Variants in ITPRID2 observed in about 807,000 individuals in gnomAD.
ITPRID2 encodes protein ITPRID2.
In ITPRID2, 60 loss-of-function variants were observed where a neutral mutation model predicts 124.3. The ratio of observed to expected loss-of-function variants is 0.48; its 90% CI spans 0.39 to 0.60. The LOEUF is 0.60. Among genes scored for constraint, ITPRID2 ranks in the 20% least tolerant of loss-of-function variants. The probability of loss-of-function intolerance (pLI) is 0.00; values close to 1 mark genes in which losing one functional copy is unlikely to be tolerated. For missense variants in ITPRID2, 1,553 were observed against 1,512.2 expected (o/e 1.03, Z -0.45); for synonymous variants, 521 against 542.9 (o/e 0.96, Z 0.56).
intron 16 of ITPRID2, among the ~76,000 whole-genome samples, chr2:181,927,924 T>A (rs1422772179): frequency 6.6e-6 from 1 of 152,232 alleles, no homozygotes; most frequent in African/African-American, 2.4e-5. Context: ...GTCCTCACCT[T>A]ATGAATTGTG....
rs1170585530 is a variant in ITPRID2, at chr2:181,892,075, G to A, written c.9G>A (p.Arg3=). The A allele has an allele frequency of 1.3e-6, 2 of 1,551,812 alleles. No individual in the cohort carries two copies. The highest frequency in any genetic ancestry group is 2.4e-5 in the South Asian group (2 of 84,246). MD[R]PLSSSAEAEE... ...GAGCCCCCAGTGCGGCCATGGACCGGCCCCTGTCGTCGTCGGCGGAGGCGG... is the reference window on the plus strand; with the variant it reads ...GAGCCCCCAGTGCGGCCATGGACCGACCCCTGTCGTCGTCGGCGGAGGCGG... Residue 3 remains arginine, a synonymous_variant, in exon 1 of 18, where the codon CGG becomes CGA. Coordinates refer to ENST00000431877, the MANE Select transcript of ITPRID2 (RefSeq NM_001130445.3). The surrounding 1 kb of genome is among the most constrained non-coding windows in gnomAD (Gnocchi z 5.2).
rs1350203724 is a variant in ITPRID2, at chr2:181,916,156, T to C, written c.2516T>C (p.Met839Thr). 1.9e-6 allele frequency: 3 copies of C among 1,614,224 alleles called. No individual in the cohort carries two copies. The highest frequency in any genetic ancestry group is 1.6e-4 in the Middle Eastern group (1 of 6,062). The change falls in exon 11 of 18, where the codon ATG (methionine) becomes ACG (threonine). Residue 839 changes from methionine to threonine, a missense_variant. Transcript: ENST00000431877. ...PTCSRLAPPP[M>T]SQSTCSLHSI... is the part of the protein sequence containing the mutation. Reference sequence around the variant, plus strand: ...TGTTCACGGCTTGCTCCACCACCAATGTCTCAGTCTACCTGTTCCCTTCAT... The same window carrying C: ...TGTTCACGGCTTGCTCCACCACCAACGTCTCAGTCTACCTGTTCCCTTCAT...
At chr2:181,904,056 A>G (rs887072356) in intron 8 of ITPRID2, among the ~76,000 whole-genome samples, 2 of 152,228 alleles carry the variant, frequency 1.3e-5, no homozygotes, top group African/African-American at 4.8e-5. Flanking sequence ...GTCACTCTTC[A>G]AAGAAGTCAA....
chr2:181,928,836 C>G (rs920188858), intron 17 of ITPRID2, among the ~76,000 whole-genome samples: 1 of 151,968 alleles, frequency 6.6e-6, no homozygotes, highest in Admixed American at 6.6e-5. Context: ...CCGTTTTAGC[C>G]GGGATGGTCT....
rs1004264543 is a variant in ITPRID2, at chr2:181,892,520, C to G, written c.212-95C>G. 9 of 1,480,670 alleles carry G rather than the reference C, an allele frequency of 6.1e-6. No homozygotes were observed. In the African/African-American group the frequency reaches 1.2e-4, roughly 21 times the overall value. The allele number at this position is 1,480,670 out of a possible 1,614,324, so 91.7% of individuals were successfully genotyped here. The stretch of plus-strand genomic sequence containing the variant: ...AGACGTGTCGCTTAGGCTGCATTTG[C>G]CGTGGTAGATTTTCCTACTTGGGAG... On this transcript the variant is annotated intron_variant, in intron 1 of 17. Transcript: ENST00000431877. This position sits in a 1 kb window ranked among gnomAD's most constrained non-coding sequence, Gnocchi z 5.2.
At chr2:181,895,957 G>A in intron 2 of ITPRID2, 73 bp from the exon 3 acceptor site, 1 of 1,273,136 alleles carries the variant, frequency 7.9e-7, no homozygotes, top group Non-Finnish European at 1.1e-6. Context: ...AACTCTTTAA[G>A]TAAGGCTGTG....
At chr2:181,921,826 A>G (rs1694500331) in intron 15 of ITPRID2, 122 bp from the exon 16 acceptor site, 1 of 853,840 alleles carries the variant, frequency 1.2e-6, no homozygotes, top group Non-Finnish European at 1.8e-6. Context: ...AAATTAATGG[A>G]ATAGATTTAT....
chr2:181,898,210 C>G (rs1692370394), intron 4 of ITPRID2, among the ~76,000 whole-genome samples: 1 of 151,922 alleles, frequency 6.6e-6, no homozygotes, highest in South Asian at 2.1e-4. Context: ...CTTTGTAGAT[C>G]AGAAATGAAA....
rs75682049 is a variant in ITPRID2, at chr2:181,899,918, A to G, written c.504-778A>G. On this transcript the variant is annotated intron_variant, in intron 6 of 17. Transcript: ENST00000431877. ...ATACATCAGTGCATGTGCCTATGGA[A>G]TCCAGTTTAAACTGTTATCCAAATT... Among the ~76,000 whole-genome samples, 14 of 152,356 alleles carry G rather than the reference A, an allele frequency of 9.2e-5. No individual in the cohort carries two copies. In the East Asian group the frequency reaches 2.5e-3, roughly 27 times the overall value.
chr2:181,900,933 T>G, intron 7 of ITPRID2, 29 bp downstream of exon 7: 1 of 1,529,126 alleles, frequency 6.5e-7, no homozygotes, highest in Admixed American at 2.0e-5. Context: ...AGGCATATTA[T>G]TTTCTTAAAT....
rs890259748 is a variant in ITPRID2 at position 181,907,191 on chromosome 2, T to G, written c.1414-2708T>G. Among the ~76,000 whole-genome samples the G allele has an allele frequency of 6.6e-6, 1 of 152,168 alleles. No individual in the cohort carries two copies. Among genetic ancestry groups the G allele is most frequent in the Non-Finnish European group, 1.5e-5 (1 of 68,028 alleles). ...ATTGTGCCTAGAAGATCCCTCTTAGTCAAGGTAAACATGACAGCTGTTAAG... is the reference window on the plus strand; with the variant it reads ...ATTGTGCCTAGAAGATCCCTCTTAGGCAAGGTAAACATGACAGCTGTTAAG... On this transcript the variant is annotated intron_variant, in intron 8 of 17. Coordinates refer to ENST00000431877, the MANE Select transcript of ITPRID2 (RefSeq NM_001130445.3). The surrounding 1 kb of genome is among the most constrained non-coding windows in gnomAD (Gnocchi z 5.1).
At chr2:181,908,917 G>A (rs1158215753) in intron 8 of ITPRID2, among the ~76,000 whole-genome samples, 2 of 151,838 alleles carry the variant, frequency 1.3e-5, no homozygotes, top group Non-Finnish European at 2.9e-5. Context: ...TTACTAGGAT[G>A]TTCTTTATGA....
intron 15 of ITPRID2, 88 bp from the exon 16 acceptor site, chr2:181,921,860 A>T: frequency 9.0e-7 from 1 of 1,105,304 alleles, no homozygotes; most frequent in Non-Finnish European, 1.3e-6. Context: ...ACATGATTTT[A>T]GGCAATAATG....
chr2:181,899,982 G>A lies in ITPRID2; in HGVS notation c.504-714G>A, dbSNP rs559895240. Among the ~76,000 whole-genome samples the A allele has an allele frequency of 5.9e-5, 9 of 152,308 alleles. No individual in the cohort carries two copies. In the South Asian group the frequency reaches 1.9e-3, roughly 32 times the overall value. Reference sequence around the variant, plus strand: ...CTGAGCATTTTGTCTGAAACAAATTGAAATGTCTCTCTGTTGAAGTTCCAT... The same window carrying A: ...CTGAGCATTTTGTCTGAAACAAATTAAAATGTCTCTCTGTTGAAGTTCCAT... On this transcript the variant is annotated intron_variant, in intron 6 of 17. Transcript: ENST00000431877.
rs1263409676 is a variant in ITPRID2, at chr2:181,913,904, A to G, written c.1546A>G (p.Thr516Ala). 1.2e-6 allele frequency: 2 copies of G among 1,613,334 alleles called. No homozygotes were observed. Among genetic ancestry groups the G allele is most frequent in the East Asian group, 4.5e-5 (2 of 44,786 alleles). The change falls in exon 10 of 18, where the codon ACA becomes GCA. Residue 516 changes from threonine to alanine, a missense_variant. Coordinates refer to ENST00000431877, the MANE Select transcript of ITPRID2 (RefSeq NM_001130445.3). ...SDSSGFAEDS[T>A]DCLSLNHLQV... Reference sequence around the variant, plus strand: ...TAGCAGTGGTTTTGCTGAAGATTCTACAGACTGCCTATCCCTTAATCATCT... The same window carrying G: ...TAGCAGTGGTTTTGCTGAAGATTCTGCAGACTGCCTATCCCTTAATCATCT...
intron 4 of ITPRID2, among the ~76,000 whole-genome samples, 158 bp downstream of exon 4, chr2:181,897,122 A>G (rs181484777): frequency 1.3e-5 from 2 of 152,128 alleles, no homozygotes; most frequent in Admixed American, 1.3e-4. Flanking sequence ...TTAATAATCT[A>G]GTCATAGTCT....
In ITPRID2 at chr2:181,913,953, T is replaced by G. The variant is rs780235345; in HGVS notation, c.1575+20T>G. On this transcript the variant is annotated intron_variant, in intron 10 of 17. Coordinates refer to ENST00000431877, the MANE Select transcript of ITPRID2 (RefSeq NM_001130445.3). ...CTTCAGGTAAAATTTTCTGTTCTAA[T>G]AGGCACTATGATTAACTTCCTCATT... The G allele has an allele frequency of 1.6e-5, 25 of 1,540,580 alleles. No homozygotes were observed. The highest frequency in any genetic ancestry group is 2.3e-5 in the East Asian group (1 of 44,396).
rs1470957959 is a variant in ITPRID2 at position 181,918,853 on chromosome 2, G to A, written c.2964G>A (p.Met988Ile). The change falls in exon 13 of 18, where the codon ATG (methionine) becomes ATA (isoleucine). Residue 988 changes from methionine to isoleucine, a missense_variant. By Grantham distance (10) the Met-to-Ile change is conservative. Coordinates refer to ENST00000431877, the MANE Select transcript of ITPRID2 (RefSeq NM_001130445.3). ...TGGCAATGCTGCGTCAGCAAACCAT[G>A]GTTTATCATCATATGACTGAGGAGG... is the stretch of plus-strand genomic sequence containing the variant. ...LELAMLRQQT[M>I]VYHHMTEEER... The A allele has an allele frequency of 6.2e-7, 1 of 1,614,124 alleles. No homozygotes were observed. Among genetic ancestry groups the A allele is most frequent in the East Asian group, 2.2e-5 (1 of 44,862 alleles).
At chr2:181,912,598 A>G (rs1339695704) in intron 9 of ITPRID2, among the ~76,000 whole-genome samples, 1 of 152,228 alleles carries the variant, frequency 6.6e-6, no homozygotes, top group Non-Finnish European at 1.5e-5. Flanking sequence ...TAATTATATT[A>G]TCTGGCTCTT....
Sources: allele counts gnomAD v4.1 joint callset (sites outside exome capture counted in the v4.1 genomes callset), GRCh38; gene constraint gnomAD v4.1.1; non-coding constraint Gnocchi (gnomAD v3.1); transcripts MANE v1.5; gene names NCBI Gene and HGNC (gene_info 2026-07-23, HGNC 2026-07-21).